Variants in DPYS observed in about 807,000 individuals in gnomAD.
DPYS encodes dihydropyrimidinase.
A neutral mutation model predicts 50.3 loss-of-function variants in DPYS; 39 were observed. The ratio of observed to expected loss-of-function variants is 0.78; its 90% CI spans 0.60 to 1.01. The LOEUF (loss-of-function observed/expected upper bound fraction) is 1.01, where lower values mean the gene tolerates loss of function less well. Ranked by LOEUF, DPYS falls within the 50% of genes least tolerant of loss-of-function variation. The pLI is 0.00. For synonymous variants in DPYS, 245 were observed against 250.7 expected, an observed-to-expected ratio of 0.98 and a Z score of 0.22; for missense variants, 659 against 680.9, an observed-to-expected ratio of 0.97 and a Z score of 0.36.
intron 1 of DPYS, among the ~76,000 whole-genome samples, chr8:104,462,727 T>C (rs1444497199): frequency 6.6e-6 from 1 of 152,248 alleles, no homozygotes; most frequent in Non-Finnish European, 1.5e-5. Flanking sequence ...TATCACAGAA[T>C]GTAGTAAAAG....
At chr8:104,415,187 C>T (rs959344421) in intron 7 of DPYS, among the ~76,000 whole-genome samples, 1 of 152,092 alleles carries the variant, frequency 6.6e-6, no homozygotes, top group African/African-American at 2.4e-5. Context: ...ATAATACAAG[C>T]AAATGTCAAA....
intron 7 of DPYS, among the ~76,000 whole-genome samples, chr8:104,416,983 C>G (rs1812391467): frequency 1.3e-5 from 2 of 152,118 alleles, no homozygotes; most frequent in African/African-American, 2.4e-5. Flanking sequence ...CAAGCCATTA[C>G]TCTTCACTGA....
chr8:104,457,114 C>T (rs557572873), intron 1 of DPYS, among the ~76,000 whole-genome samples: 1 of 152,286 alleles, frequency 6.6e-6, no homozygotes, highest in African/African-American at 2.4e-5. Context: ...AAGAGACTAA[C>T]AGCAATAACT....
chr8:104,461,253 C>T (rs1055544008), intron 1 of DPYS, among the ~76,000 whole-genome samples: 1 of 150,048 alleles, frequency 6.7e-6, no homozygotes, highest in Non-Finnish European at 1.5e-5. Context: ...GATTGCACCA[C>T]TGCATTCCAG....
At chr8:104,461,584 A>C (rs1329308571) in intron 1 of DPYS, among the ~76,000 whole-genome samples, 1 of 152,162 alleles carries the variant, frequency 6.6e-6, no homozygotes, top group Non-Finnish European at 1.5e-5. Flanking sequence ...AGATCACCAA[A>C]ATGTCCATCA....
At chr8:104,404,846 T>C (rs75433587) in intron 7 of DPYS, among the ~76,000 whole-genome samples, 9,063 of 152,330 alleles carry the variant, frequency 0.059, 331 homozygotes, top group African/African-American at 0.085. Flanking sequence ...ACAGAGTCCA[T>C]ATGGCCCACA....
chr8:104,455,418 C>T (rs1277626859), intron 1 of DPYS, among the ~76,000 whole-genome samples: 2 of 152,058 alleles, frequency 1.3e-5, no homozygotes, highest in East Asian at 1.9e-4. Context: ...TTTTCAGTTG[C>T]GAAGGGAGTC....
intron 4 of DPYS, among the ~76,000 whole-genome samples, chr8:104,442,146 T>C (rs968962678): frequency 3.3e-5 from 5 of 152,210 alleles, no homozygotes; most frequent in Admixed American, 2.0e-4. Context: ...ATTTTGACTC[T>C]TGGGCCATGT....
chr8:104,414,077 A>G (rs1282892778), intron 7 of DPYS, among the ~76,000 whole-genome samples: 1 of 152,246 alleles, frequency 6.6e-6, no homozygotes, highest in African/African-American at 2.4e-5. Flanking sequence ...TATATTCTGC[A>G]TAATTCCAAA....
chr8:104,407,852 C>T (rs1003431198), intron 7 of DPYS, among the ~76,000 whole-genome samples: 8 of 152,120 alleles, frequency 5.3e-5, no homozygotes, highest in African/African-American at 1.9e-4. Context: ...AAGTTAGGTT[C>T]TAATAAATGG....
chr8:104,433,664 C>T (rs1271959588), intron 4 of DPYS, among the ~76,000 whole-genome samples: 2 of 152,140 alleles, frequency 1.3e-5, no homozygotes, highest in Non-Finnish European at 2.9e-5. Context: ...AAACTTGAGA[C>T]TCAAAATCAC....
chr8:104,451,398 G>C lies in DPYS; in HGVS notation c.271C>G (p.Leu91Val). 3 of 1,614,138 alleles carry C rather than the reference G, an allele frequency of 1.9e-6. No individual in the cohort carries two copies. In the South Asian group the frequency reaches 3.3e-5, roughly 18 times the overall value. ...ATAATCATGGTGGTGCCTCCTGAGAGAGCAGCCTGGAATCATAAGAGGTTT... is the reference window on the plus strand; with the variant it reads ...ATAATCATGGTGGTGCCTCCTGAGACAGCAGCCTGGAATCATAAGAGGTTT... ...DDFHQGTKAALSGGTTMIIDF... is the reference protein window; with the variant it reads ...DDFHQGTKAAVSGGTTMIIDF... Residue 91 changes from leucine (L) to valine (V), a missense_variant, in exon 2 of 10, where the codon CTC becomes GTC. Leu to Val is a conservative substitution (Grantham distance 32). Coordinates refer to ENST00000351513, the MANE Select transcript of DPYS (RefSeq NM_001385.3).
At chr8:104,386,745 A>G (rs1811225762) in intron 8 of DPYS, among the ~76,000 whole-genome samples, 1 of 151,724 alleles carries the variant, frequency 6.6e-6, no homozygotes, top group South Asian at 2.1e-4. Context: ...CTTCTGCCTT[A>G]GCCTCCCAAG....
intron 7 of DPYS, among the ~76,000 whole-genome samples, chr8:104,417,639 G>T (rs1041574722): frequency 1.3e-5 from 2 of 152,150 alleles, no homozygotes; most frequent in African/African-American, 4.8e-5. Context: ...ATAAGCAATA[G>T]ACACCAGTTC....
intron 7 of DPYS, among the ~76,000 whole-genome samples, chr8:104,409,357 C>T (rs1405772024): frequency 6.6e-5 from 10 of 151,784 alleles, no homozygotes; most frequent in African/African-American, 4.8e-5. Flanking sequence ...TGGTGGTGCA[C>T]GCCTGTAATT....
chr8:104,417,543 A>AT (rs1812408227), intron 7 of DPYS, among the ~76,000 whole-genome samples: 1 of 152,248 alleles, frequency 6.6e-6, no homozygotes, highest in South Asian at 2.1e-4. Flanking sequence ...TTCTACAGAA[A>AT]TGGGTCAGAC....
intron 6 of DPYS, 132 bp downstream of exon 6, chr8:104,427,848 A>G: frequency 7.6e-7 from 1 of 1,319,338 alleles, no homozygotes. Flanking sequence ...ATAGTATTGC[A>G]TTCCTAGTAT....
chr8:104,441,800 A>G (rs1196271598), intron 4 of DPYS, among the ~76,000 whole-genome samples: 2 of 152,364 alleles, frequency 1.3e-5, no homozygotes, highest in South Asian at 2.1e-4. Context: ...TGAAACAGCT[A>G]AAGATTGGAA....
chr8:104,436,116 T>C (rs1254775283), intron 4 of DPYS, among the ~76,000 whole-genome samples: 7 of 152,200 alleles, frequency 4.6e-5, no homozygotes, highest in South Asian at 2.1e-4. Context: ...ACTGAAGCTG[T>C]CCAGTGACTA....
Sources: allele counts gnomAD v4.1 joint callset (sites outside exome capture counted in the v4.1 genomes callset), GRCh38; gene constraint gnomAD v4.1.1; transcripts MANE v1.5; gene names NCBI Gene and HGNC (gene_info 2026-07-23, HGNC 2026-07-21).